Variants in TNKS2 observed in about 807,000 individuals in gnomAD.
TNKS2 encodes the protein poly [ADP-ribose] polymerase tankyrase-2.
Under a neutral mutation model 137.6 loss-of-function variants are expected in TNKS2, and 72 were observed. The observed-to-expected ratio is 0.52, with a 90% CI of 0.43 to 0.64. The LOEUF (loss-of-function observed/expected upper bound fraction) is 0.64, where lower values mean the gene tolerates loss of function less well. Among genes scored for constraint, TNKS2 ranks in the 30% least tolerant of loss-of-function variants. TNKS2 has a pLI of 0.00. For synonymous variants in TNKS2, 516 were observed against 512.1 expected, an observed-to-expected ratio of 1.01 and a Z score of -0.10; for missense variants, 1,049 against 1,410.2, an observed-to-expected ratio of 0.74 and a Z score of 4.10.
intron 2 of TNKS2, among the ~76,000 whole-genome samples, chr10:91,815,151 A>G (rs578244871): frequency 1.3e-5 from 2 of 152,288 alleles, no homozygotes; most frequent in Non-Finnish European, 2.9e-5. Context: ...TCCTGATGTA[A>G]AACAGGGACA....
rs35240102 is a variant in TNKS2, at chr10:91,810,920, C to CTTTTTTTTTTTTTTTTTTTTTTTTTTT, written c.200-2040_200-2039insTTTTTTTTTTTTTTTTTTTTTTTTTTT. 7.4e-4 allele frequency among the ~76,000 whole-genome samples: 37 copies of CTTTTTTTTTTTTTTTTTTTTTTTTTTT among 50,126 alleles called. 9 individuals are homozygous for CTTTTTTTTTTTTTTTTTTTTTTTTTTT. The highest frequency in any genetic ancestry group is 2.2e-3 in the South Asian group (2 of 904). 32.9% of individuals were successfully genotyped at this position (50,126 alleles called of 152,430 possible). The stretch of plus-strand genomic sequence containing the variant: ...TTCTTTTCTTTCTCTCTTTTCTTTT[C>CTTTTTTTTTTTTTTTTTTTTTTTTTTT]TTTTTTTTTTTTTTTTTTTTTTTGA... On this transcript the variant is annotated intron_variant, in intron 1 of 26. Coordinates refer to ENST00000371627, the MANE Select transcript of TNKS2 (RefSeq NM_025235.4).
In TNKS2 at chr10:91,842,261, T is replaced by C; in HGVS notation, c.1929T>C (p.Leu643=). The change falls in exon 16 of 27, where the codon CTT becomes CTC. Residue 643 remains leucine, a synonymous_variant. Coordinates refer to ENST00000371627, the MANE Select transcript of TNKS2 (RefSeq NM_025235.4). ...GAGATACAGATATTCAAGATCTGCT[T>C]AGGGGAGATGCAGCTTTGCTAGATG... is the stretch of plus-strand genomic sequence containing the variant. ...KDGDTDIQDL[L]RGDAALLDAA... is the part of the protein sequence containing the mutation. 1 of 1,613,988 alleles carries C rather than the reference T, an allele frequency of 6.2e-7. No homozygotes were observed.
At chr10:91,859,321 G>A in intron 24 of TNKS2, 141 bp from the exon 25 acceptor site, 1 of 583,644 alleles carries the variant, frequency 1.7e-6, no homozygotes. Flanking sequence ...CTGGCTGACA[G>A]TTAACTTGTT....
chr10:91,819,547 A>T lies in TNKS2; in HGVS notation c.623A>T (p.Asp208Val). 1 of 1,592,176 alleles carries T rather than the reference A, an allele frequency of 6.3e-7. No individual in the cohort carries two copies. Among genetic ancestry groups the T allele is most frequent in the Non-Finnish European group, 8.5e-7 (1 of 1,174,122 alleles). Reference sequence around the variant, plus strand: ...TTAAATGTCAACTGCCACGCAAGTGATGGCAGAAAGGTACTTCCTTTTGCA... The same window carrying T: ...TTAAATGTCAACTGCCACGCAAGTGTTGGCAGAAAGGTACTTCCTTTTGCA... The part of the protein sequence containing the change: ...TPLNVNCHAS[D>V]GRKSTPLHLA... Residue 208 changes from aspartate (D) to valine (V), a missense_variant, in exon 5 of 27, where the codon GAT becomes GTT. Transcript: ENST00000371627.
Position 91,845,021 on chromosome 10 carries a change from CT to C in TNKS2, c.2164del (p.Tyr722ThrfsTer4). On this transcript the variant is annotated frameshift_variant, in exon 17 of 27. Coordinates refer to ENST00000371627, the MANE Select transcript of TNKS2 (RefSeq NM_025235.4). LOFTEE classifies it high-confidence loss of function. ...GGLIPLHNAA[S>X]YGHVDVAALL... is the part of the protein sequence containing the mutation. ...CTTATTCCTTTACATAATGCAGCATCTTACGGGGTAAGTTCTTCCGTGTTAC... is the reference window on the plus strand; with the variant it reads ...CTTATTCCTTTACATAATGCAGCATCTACGGGGTAAGTTCTTCCGTGTTAC... 1 of 1,607,050 alleles carries C rather than the reference CT, an allele frequency of 6.2e-7. No individual in the cohort carries two copies. The highest frequency in any genetic ancestry group is 8.5e-7 in the Non-Finnish European group (1 of 1,174,898).
At chr10:91,835,012 T>C (rs1028080663) in intron 12 of TNKS2, among the ~76,000 whole-genome samples, 1 of 152,208 alleles carries the variant, frequency 6.6e-6, no homozygotes, top group African/African-American at 2.4e-5. Flanking sequence ...AAAGCTGGTA[T>C]TTAGCATTTT....
chr10:91,830,904 T>C lies in TNKS2; in HGVS notation c.1105-19T>C. The C allele has an allele frequency of 1.9e-6, 3 of 1,578,658 alleles. No homozygotes were observed. Among genetic ancestry groups the C allele is most frequent in the Non-Finnish European group, 2.6e-6 (3 of 1,156,932 alleles). The stretch of plus-strand genomic sequence containing the variant: ...GTTATGTATAGTCCTTGATTAATGC[T>C]GCAATTTAAATTATTTAGCATTGTG... On this transcript the variant is annotated intron_variant, in intron 9 of 26. Transcript: ENST00000371627.
At position 91,836,905 on chromosome 10, in the gene TNKS2, T is replaced by G. The variant is rs2133645385; in HGVS notation, c.1448-14T>G. ...TAGAGGTTAGTCACTCTTCTCTCTC[T>G]CTCTCTTTTTTAGAGGGTATCTCAT... On this transcript the variant is annotated splice_polypyrimidine_tract_variant and intron_variant, in intron 12 of 26. Coordinates refer to ENST00000371627, the MANE Select transcript of TNKS2 (RefSeq NM_025235.4). 6.2e-7 allele frequency: 1 copy of G among 1,608,436 alleles called. No homozygotes were observed. Among genetic ancestry groups the G allele is most frequent in the East Asian group, 2.2e-5 (1 of 44,670 alleles).
At chr10:91,811,795 C>T (rs1250458839) in intron 1 of TNKS2, among the ~76,000 whole-genome samples, 5 of 152,304 alleles carry the variant, frequency 3.3e-5, no homozygotes, top group Non-Finnish European at 5.9e-5. Flanking sequence ...CGCAGTGGCT[C>T]ACGCCTGTAA....
chr10:91,859,609 G>A lies in TNKS2; in HGVS notation c.3242G>A (p.Cys1081Tyr). ...TATGGAATTGGAGGAGGTACTGGGT[G>A]TCCAGTTCACAAAGACAGATCTTGT... ...YVYGIGGGTG[C>Y]PVHKDRSCYI... Residue 1081 changes from cysteine to tyrosine, a missense_variant, in exon 25 of 27, where the codon TGT (cysteine) becomes TAT (tyrosine). Transcript: ENST00000371627. 5.6e-6 allele frequency: 9 copies of A among 1,612,700 alleles called. No homozygotes were observed. The highest frequency in any genetic ancestry group is 7.6e-6 in the Non-Finnish European group (9 of 1,179,588).
rs61218533 is a variant in TNKS2, at chr10:91,835,912, A to T, written c.1448-1007A>T. The stretch of plus-strand genomic sequence containing the variant: ...CATGAGCCACCACGCCCAGCCAACC[A>T]TGTCTCTTTTTTGTATGTGTGAATT... On this transcript the variant is annotated intron_variant, in intron 12 of 26. Transcript: ENST00000371627. Among the ~76,000 whole-genome samples the T allele has an allele frequency of 3.5e-3, 530 of 150,714 alleles. 4 individuals carry two copies. The highest frequency in any genetic ancestry group is 0.012 in the African/African-American group (488 of 41,062).
intron 7 of TNKS2, among the ~76,000 whole-genome samples, chr10:91,825,254 C>T (rs1845031561): frequency 6.6e-6 from 1 of 152,002 alleles, no homozygotes; most frequent in Non-Finnish European, 1.5e-5. Context: ...AGGTGTGGTG[C>T]CACCACACAT....
intron 1 of TNKS2, among the ~76,000 whole-genome samples, chr10:91,807,885 A>G (rs1160175882): frequency 2.0e-5 from 3 of 151,552 alleles, no homozygotes; most frequent in Non-Finnish European, 4.4e-5. Flanking sequence ...AGCCCCAGCT[A>G]CTCTGGAGGC....
rs1224295053 is a variant in TNKS2 at position 91,828,060 on chromosome 10, A to G, written c.983-225A>G. Among the ~76,000 whole-genome samples, 3 of 152,184 alleles carry G rather than the reference A, an allele frequency of 2.0e-5. No homozygotes were observed. In the East Asian group the frequency reaches 5.8e-4, roughly 29 times the overall value. ...AATCTGCCGTGGGCTAAACCTGTGTATACTCTTGAGGCCATATGTCTATAC... is the reference window on the plus strand; with the variant it reads ...AATCTGCCGTGGGCTAAACCTGTGTGTACTCTTGAGGCCATATGTCTATAC... On this transcript the variant is annotated intron_variant, in intron 8 of 26. Coordinates refer to ENST00000371627, the MANE Select transcript of TNKS2 (RefSeq NM_025235.4).
chr10:91,836,031 G>T (rs61874704), intron 12 of TNKS2, among the ~76,000 whole-genome samples: 11 of 49,742 alleles, frequency 2.2e-4, no homozygotes, highest in South Asian at 1.0e-3. Context: ...GTGTGTGTGT[G>T]TAATTTTTTT....
At chr10:91,836,254 G>C (rs575148432) in intron 12 of TNKS2, among the ~76,000 whole-genome samples, 1 of 151,584 alleles carries the variant, frequency 6.6e-6, no homozygotes, top group Non-Finnish European at 1.5e-5. Flanking sequence ...TGCTTTTGAT[G>C]TACTGTTCAA....
rs748993964 is a variant in TNKS2 at position 91,840,408 on chromosome 10, G to C, written c.1528-153G>C. Among the ~76,000 whole-genome samples, 30 of 152,188 alleles carry C rather than the reference G, an allele frequency of 2.0e-4. 1 individual carries two copies. Among genetic ancestry groups the C allele is most frequent in the Admixed American group, 5.2e-4 (8 of 15,292 alleles). The stretch of plus-strand genomic sequence containing the variant: ...CAGAGGGATTCCCAGTAAATGACAA[G>C]GTGAAATAAGAATACTAAATAGTTT... On this transcript the variant is annotated intron_variant, in intron 13 of 26. Coordinates refer to ENST00000371627, the MANE Select transcript of TNKS2 (RefSeq NM_025235.4).
At chr10:91,799,552 G>A (rs1844091632) in intron 1 of TNKS2, among the ~76,000 whole-genome samples, 1 of 152,172 alleles carries the variant, frequency 6.6e-6, no homozygotes, top group Admixed American at 6.5e-5. Flanking sequence ...AAAAGATAGT[G>A]CAAGTACTTT....
intron 24 of TNKS2, 25 bp downstream of exon 24, chr10:91,857,555 A>T (rs912176392): frequency 6.8e-7 from 1 of 1,475,908 alleles, no homozygotes; most frequent in Non-Finnish European, 9.4e-7. Flanking sequence ...CACCAACTCT[A>T]CCACTGTCTT....
Sources: allele counts gnomAD v4.1 joint callset (sites outside exome capture counted in the v4.1 genomes callset), GRCh38; gene constraint gnomAD v4.1.1; transcripts MANE v1.5; gene names NCBI Gene and HGNC (gene_info 2026-07-23, HGNC 2026-07-21).